Variants in HTRA3 observed in about 807,000 individuals in gnomAD.
The protein encoded by HTRA3 is serine protease HTRA3.
In HTRA3, 41 loss-of-function variants were observed where a neutral mutation model predicts 43.2. The ratio of observed to expected loss-of-function variants is 0.95; its 90% CI spans 0.74 to 1.23. The LOEUF is 1.23. Ranked by LOEUF, HTRA3 falls within the 50% of genes most tolerant of loss-of-function variation. The pLI is 0.00. For synonymous variants in HTRA3, 295 were observed against 287.9 expected (o/e 1.02, Z -0.25); for missense variants, 628 against 647.1 (o/e 0.97, Z 0.32).
At chr4:8,291,891 T>G (rs183316276) in intron 4 of HTRA3, among the ~76,000 whole-genome samples, 17 of 152,326 alleles carry the variant, frequency 1.1e-4, no homozygotes, top group African/African-American at 4.1e-4. Flanking sequence ...ATTGTGATTA[T>G]GTTGGTGGCA....
intron 2 of HTRA3, among the ~76,000 whole-genome samples, chr4:8,285,801 C>A (rs1560137323): frequency 1.3e-5 from 2 of 152,244 alleles, no homozygotes; most frequent in African/African-American, 2.4e-5. Context: ...CTCATCTGTG[C>A]CTCTGCACCC....
At chr4:8,282,395 T>C in intron 1 of HTRA3, 42 bp from the exon 2 acceptor site, 3 of 1,489,824 alleles carry the variant, frequency 2.0e-6, no homozygotes, top group Non-Finnish European at 2.8e-6. Context: ...GCTGGCAGCA[T>C]CGTGATCTCA....
rs1373782651 is a variant in HTRA3 at position 8,279,653 on chromosome 4, G to A, written c.386-2784G>A. ...CAGCCTTTTCTAATCACCTGTGGGAGGAGAGGTGCTGCCATTCCTCCTTCT... is the reference window on the plus strand; with the variant it reads ...CAGCCTTTTCTAATCACCTGTGGGAAGAGAGGTGCTGCCATTCCTCCTTCT... On this transcript the variant is annotated intron_variant, in intron 1 of 8. Coordinates refer to ENST00000307358, the MANE Select transcript of HTRA3 (RefSeq NM_053044.5). This position sits in a 1 kb window ranked among gnomAD's most constrained non-coding sequence, Gnocchi z 7.4. Among the ~76,000 whole-genome samples the A allele has an allele frequency of 6.6e-6, 1 of 152,174 alleles. No individual in the cohort carries two copies. The highest frequency in any genetic ancestry group is 1.5e-5 in the Non-Finnish European group (1 of 68,024).
intron 6 of HTRA3, among the ~76,000 whole-genome samples, chr4:8,299,841 C>CATTTT (rs1553821600): frequency 7.1e-6 from 1 of 140,710 alleles, no homozygotes; most frequent in Non-Finnish European, 1.5e-5. Flanking sequence ...ATGTATTATC[C>CATTTT]TTTTTTTTTT....
intron 1 of HTRA3, among the ~76,000 whole-genome samples, chr4:8,278,414 G>A (rs980656111): frequency 2.0e-5 from 3 of 151,606 alleles, no homozygotes; most frequent in African/African-American, 7.3e-5. Context: ...AAAGGCTAAC[G>A]GCTGAATCTG....
chr4:8,280,701 C>T (rs997798129), intron 1 of HTRA3, among the ~76,000 whole-genome samples: 33 of 151,600 alleles, frequency 2.2e-4, no homozygotes, highest in Admixed American at 1.0e-3. Context: ...CCCGCTCTGC[C>T]GCAGTGGTTT....
intron 1 of HTRA3, among the ~76,000 whole-genome samples, chr4:8,273,124 G>T (rs894591166): frequency 6.6e-6 from 1 of 152,246 alleles, no homozygotes; most frequent in Admixed American, 6.5e-5. Flanking sequence ...TGGTCAGGAA[G>T]TGACCCGGCT....
chr4:8,293,545 G>A (rs1485804146), intron 5 of HTRA3, among the ~76,000 whole-genome samples: 1 of 152,134 alleles, frequency 6.6e-6, no homozygotes, highest in Non-Finnish European at 1.5e-5. Flanking sequence ...CCAGGAGTGT[G>A]CCTGAGTGTG....
chr4:8,293,155 G>A (rs1160215237), intron 5 of HTRA3, among the ~76,000 whole-genome samples: 2 of 152,222 alleles, frequency 1.3e-5, no homozygotes, highest in Admixed American at 6.5e-5. Context: ...CAGGCCTCGT[G>A]TGCAGATGGG....
Position 8,306,003 on chromosome 4 carries a change from A to G in HTRA3, c.1229A>G (p.Lys410Arg). 2 of 1,611,570 alleles carry G rather than the reference A, an allele frequency of 1.2e-6. No homozygotes were observed. Among genetic ancestry groups the G allele is most frequent in the Middle Eastern group, 1.7e-4 (1 of 6,056 alleles). Residue 410 changes from lysine to arginine, a missense_variant, in exon 9 of 9, where the codon AAG becomes AGG. By Grantham distance (26) the Lys-to-Arg change is conservative. Coordinates refer to ENST00000307358, the MANE Select transcript of HTRA3 (RefSeq NM_053044.5). The surrounding 1 kb of genome is among the most constrained non-coding windows in gnomAD (Gnocchi z 8.9). ...ATCCAAGATGGTGACATCATCGTCA[A>G]GGTCAACGGGCGTCCTCTAGTGGAC... Reference protein sequence around the residue: ...GGIQDGDIIVKVNGRPLVDSS... With the variant: ...GGIQDGDIIVRVNGRPLVDSS...
At chr4:8,275,792 C>T (rs1712496071) in intron 1 of HTRA3, among the ~76,000 whole-genome samples, 1 of 152,214 alleles carries the variant, frequency 6.6e-6, no homozygotes, top group Non-Finnish European at 1.5e-5. Context: ...TGTCCTGGTC[C>T]TGTATGAGAA....
At chr4:8,303,587 C>T (rs1341438224) in intron 7 of HTRA3, among the ~76,000 whole-genome samples, 1 of 152,214 alleles carries the variant, frequency 6.6e-6, no homozygotes, top group Non-Finnish European at 1.5e-5. Context: ...GCTGTCATTC[C>T]TCCTGTTTCA....
chr4:8,294,204 A>G lies in HTRA3; in HGVS notation c.1051+3A>G, dbSNP rs768173020. 1.9e-6 allele frequency: 3 copies of G among 1,602,312 alleles called. No homozygotes were observed. Among genetic ancestry groups the G allele is most frequent in the Non-Finnish European group, 2.6e-6 (3 of 1,171,990 alleles). ...GTTCCAAGACAAGCAGATCAAAGGT[A>G]AAGAGCTCACCTGGAGGGGGCCAGA... On this transcript the variant is annotated splice_donor_region_variant and intron_variant, in intron 6 of 8. Transcript: ENST00000307358.
intron 2 of HTRA3, among the ~76,000 whole-genome samples, chr4:8,283,807 C>T (rs7670269): frequency 0.59 from 89,614 of 152,092 alleles, 26,844 homozygotes; most frequent in East Asian, 0.82. Context: ...CTCCCTGTGA[C>T]GAGGCTCCAC....
intron 1 of HTRA3, among the ~76,000 whole-genome samples, chr4:8,280,740 C>T (rs370243685): frequency 6.6e-6 from 1 of 151,650 alleles, no homozygotes; most frequent in African/African-American, 2.4e-5. Context: ...CGGTGGCCGG[C>T]GTCTCCCAGC....
intron 2 of HTRA3, among the ~76,000 whole-genome samples, chr4:8,283,579 C>T (rs1712842362): frequency 6.6e-6 from 1 of 152,242 alleles, no homozygotes; most frequent in South Asian, 2.1e-4. Flanking sequence ...GAGTGTTTCT[C>T]CCATCCACCT....
chr4:8,299,921 C>A (rs894832473), intron 6 of HTRA3, among the ~76,000 whole-genome samples: 1 of 150,316 alleles, frequency 6.7e-6, no homozygotes, highest in Admixed American at 6.7e-5. Flanking sequence ...CTCCCTGCAA[C>A]CTCTACCTCC....
intron 2 of HTRA3, among the ~76,000 whole-genome samples, chr4:8,283,517 C>T (rs1448014539): frequency 6.6e-6 from 1 of 152,230 alleles, no homozygotes; most frequent in Non-Finnish European, 1.5e-5. Flanking sequence ...GGGCTCATCC[C>T]AGATTGACTT....
chr4:8,277,072 C>T (rs543740475), intron 1 of HTRA3, among the ~76,000 whole-genome samples: 60 of 152,324 alleles, frequency 3.9e-4, no homozygotes, highest in African/African-American at 1.4e-3. Context: ...CTGCAGCCCT[C>T]ATCCCGCCTG....
Sources: allele counts gnomAD v4.1 joint callset (sites outside exome capture counted in the v4.1 genomes callset), GRCh38; gene constraint gnomAD v4.1.1; non-coding constraint Gnocchi (gnomAD v3.1); transcripts MANE v1.5; gene names NCBI Gene and HGNC (gene_info 2026-07-23, HGNC 2026-07-21).